IQGAP2: variants seen among roughly 807,000 people sequenced by gnomAD.
The protein encoded by IQGAP2 is ras GTPase-activating-like protein IQGAP2.
A neutral mutation model predicts 201.3 loss-of-function variants in IQGAP2; 173 were observed. The observed-to-expected ratio is 0.86, with a 90% CI of 0.76 to 0.98. The LOEUF is 0.98. IQGAP2 is among the 50% of genes least tolerant of loss of function. The pLI, the probability that IQGAP2 is intolerant of heterozygous loss-of-function variation, is 0.00. For synonymous variants in IQGAP2, 675 were observed against 673.9 expected (o/e 1.00, Z -0.03); for missense variants, 1,687 against 1,864.8 (o/e 0.90, Z 1.76).
intron 2 of IQGAP2, 91 bp from the exon 3 acceptor site, chr5:76,562,305 T>C: frequency 1.1e-6 from 1 of 922,870 alleles, no homozygotes. Context: ...TTCCTTTGTC[T>C]CCAACACACA....
rs1054005038 is a variant in IQGAP2 at position 76,570,272 on chromosome 5, C to T, written c.304-308C>T. ...GTGTGTGTATGTGCGTACACACCCA[C>T]GCCTGTGTACATGTGTCTCATAAAA... is the stretch of plus-strand genomic sequence containing the variant. On this transcript the variant is annotated intron_variant, in intron 3 of 35. Transcript: ENST00000274364. Among the ~76,000 whole-genome samples the T allele has an allele frequency of 7.2e-5, 11 of 152,258 alleles. No homozygotes were observed. In the South Asian group the frequency reaches 1.7e-3, roughly 23 times the overall value.
At position 76,611,098 on chromosome 5, in the gene IQGAP2, C is replaced by G. The variant is rs3822530; in HGVS notation, c.1436C>G (p.Pro479Arg). The G allele has an allele frequency of 4.3e-3, 7,016 of 1,613,756 alleles. 243 individuals are homozygous for G. In the East Asian group the frequency reaches 0.078, roughly 18 times the overall value. ...AGGACTTTAGAAACTTTGCTCCTAC[C>G]TACTGCGAATATTAGTGATGTGGAC... ...PLRTLETLLL[P>R]TANISDVDPA... Residue 479 changes from proline to arginine, a missense_variant, in exon 13 of 36, where the codon CCT (proline) becomes CGT (arginine). Pro to Arg is a moderately radical substitution (Grantham distance 103, BLOSUM62 -2). Transcript: ENST00000274364.
At chr5:76,549,514 G>A (rs571620879) in intron 2 of IQGAP2, among the ~76,000 whole-genome samples, 1 of 152,210 alleles carries the variant, frequency 6.6e-6, no homozygotes, top group African/African-American at 2.4e-5. Context: ...TTTAGAGGAT[G>A]ATGGGAGTTG....
At chr5:76,539,738 A>T (rs1360260764) in intron 2 of IQGAP2, among the ~76,000 whole-genome samples, 1 of 152,166 alleles carries the variant, frequency 6.6e-6, no homozygotes, top group Non-Finnish European at 1.5e-5. Context: ...CATAGGGGGC[A>T]GTGTCTGACC....
At chr5:76,699,215 G>T (rs1436812345) in intron 33 of IQGAP2, 1 of 152,108 alleles carries the variant, frequency 6.6e-6, no homozygotes, top group Non-Finnish European at 1.5e-5. Context: ...AGAACATGTG[G>T]TATTTGCCTT....
chr5:76,509,799 C>G (rs1757846178), intron 2 of IQGAP2, among the ~76,000 whole-genome samples: 1 of 152,104 alleles, frequency 6.6e-6, no homozygotes, highest in Admixed American at 6.6e-5. Context: ...GTACTTTTAC[C>G]CTTAGTAGAT....
chr5:76,423,424 C>T (rs1454143318), intron 1 of IQGAP2, among the ~76,000 whole-genome samples: 2 of 152,142 alleles, frequency 1.3e-5, no homozygotes, highest in Non-Finnish European at 2.9e-5. Context: ...AGTTCAAGAC[C>T]AGCCTGGCCA....
intron 8 of IQGAP2, among the ~76,000 whole-genome samples, chr5:76,592,000 G>A (rs947329065): frequency 2.0e-5 from 3 of 151,956 alleles, no homozygotes; most frequent in Admixed American, 6.6e-5. Flanking sequence ...TGAATCTGTC[G>A]CCAACCTTCT....
Position 76,702,473 on chromosome 5 carries a change from T to G in IQGAP2, c.4506-9T>G. Reference sequence around the variant, plus strand: ...AATTTCTCATGTATGAATGTTCCTTTCTTCACAGGTTTAAGAATGTTACAT... The same window carrying G: ...AATTTCTCATGTATGAATGTTCCTTGCTTCACAGGTTTAAGAATGTTACAT... On this transcript the variant is annotated splice_polypyrimidine_tract_variant and intron_variant, in intron 34 of 35. Coordinates refer to ENST00000274364, the MANE Select transcript of IQGAP2 (RefSeq NM_006633.5). 2.3e-6 allele frequency: 3 copies of G among 1,318,238 alleles called. No homozygotes were observed. Among genetic ancestry groups the G allele is most frequent in the Non-Finnish European group, 3.3e-6 (3 of 912,976 alleles). The allele number at this position is 1,318,238 out of a possible 1,614,324, so 81.7% of individuals were successfully genotyped here.
chr5:76,652,938 T>C, intron 18 of IQGAP2, 105 bp downstream of exon 18: 1 of 746,840 alleles, frequency 1.3e-6, no homozygotes, highest in Admixed American at 2.2e-5. Context: ...CATGTGAGCC[T>C]TGAAGTCAGA....
Position 76,590,432 on chromosome 5 carries a change from A to T in IQGAP2, c.665A>T (p.Asn222Ile). ...AALHAAVIAI[N>I]EAVEKGIAEQ... ...GTACATGCTGCAGTTATAGCCATTA[A>T]TGAAGCAGTTGAAAAAGGAATAGCA... Residue 222 changes from asparagine (N) to isoleucine (I), a missense_variant, in exon 8 of 36, where the codon AAT becomes ATT. Physicochemically the swap from Asn to Ile is moderately radical, Grantham distance 149 (BLOSUM62 -3). Transcript: ENST00000274364. 1 of 1,609,032 alleles carries T rather than the reference A, an allele frequency of 6.2e-7. No individual in the cohort carries two copies. The highest frequency in any genetic ancestry group is 8.5e-7 in the Non-Finnish European group (1 of 1,178,234).
intron 16 of IQGAP2, among the ~76,000 whole-genome samples, chr5:76,637,898 T>C (rs1401915500): frequency 6.6e-6 from 1 of 152,262 alleles, no homozygotes; most frequent in Non-Finnish European, 1.5e-5. Context: ...TACATTGAAC[T>C]GGAATTTCTA....
At chr5:76,412,705 A>C (rs768495588) in intron 1 of IQGAP2, among the ~76,000 whole-genome samples, 2 of 152,194 alleles carry the variant, frequency 1.3e-5, no homozygotes, top group Non-Finnish European at 2.9e-5. Context: ...TTTGCATAAC[A>C]TGTCTATACT....
At chr5:76,556,176 G>A (rs1043627376) in intron 2 of IQGAP2, among the ~76,000 whole-genome samples, 1 of 152,174 alleles carries the variant, frequency 6.6e-6, no homozygotes, top group African/African-American at 2.4e-5. Flanking sequence ...AGGGTTTCAA[G>A]AGGCAGTGTC....
chr5:76,595,992 G>A (rs191922595), intron 9 of IQGAP2, among the ~76,000 whole-genome samples: 2 of 152,166 alleles, frequency 1.3e-5, no homozygotes, highest in East Asian at 3.9e-4. Flanking sequence ...AAATTTTTTG[G>A]TTTGTCACAT....
intron 2 of IQGAP2, among the ~76,000 whole-genome samples, chr5:76,531,585 A>G (rs1022031757): frequency 6.6e-6 from 1 of 152,216 alleles, no homozygotes; most frequent in African/African-American, 2.4e-5. Flanking sequence ...TGCATTGGGG[A>G]TTAAGTTTCC....
chr5:76,410,424 A>G (rs181071165), intron 1 of IQGAP2, among the ~76,000 whole-genome samples: 1 of 151,906 alleles, frequency 6.6e-6, no homozygotes, highest in African/African-American at 2.4e-5. Flanking sequence ...AAACACCCCA[A>G]ACTTTTCATT....
At chr5:76,621,652 A>G (rs1749685072) in intron 13 of IQGAP2, among the ~76,000 whole-genome samples, 1 of 152,222 alleles carries the variant, frequency 6.6e-6, no homozygotes, top group Admixed American at 6.5e-5. Flanking sequence ...CATGCCAAAC[A>G]GTGCCTGTGT....
At chr5:76,640,571 C>T (rs898754422) in intron 16 of IQGAP2, among the ~76,000 whole-genome samples, 12 of 152,104 alleles carry the variant, frequency 7.9e-5, no homozygotes, top group African/African-American at 1.9e-4. Context: ...CTTGGCAGTC[C>T]GAGGGAAGCG....
Sources: gnomAD v4.1 joint callset for allele counts (sites outside exome capture counted in the v4.1 genomes callset) on GRCh38, gnomAD v4.1.1 for gene constraint, MANE v1.5 for transcripts, NCBI Gene and HGNC (gene_info 2026-07-23, HGNC 2026-07-21) for gene names.